Variants in PLEKHA2 observed in about 807,000 individuals in gnomAD.
PLEKHA2 encodes pleckstrin homology domain-containing family A member 2.
A neutral mutation model predicts 53.2 loss-of-function variants in PLEKHA2; 28 were observed. The observed-to-expected ratio is 0.53, with a 90% CI of 0.39 to 0.72. PLEKHA2 has a LOEUF of 0.72. Among genes scored for constraint, PLEKHA2 ranks in the 30% least tolerant of loss-of-function variants. The pLI is 0.00. For synonymous variants in PLEKHA2, 193 were observed against 196.4 expected, an observed-to-expected ratio of 0.98 and a Z score of 0.14; for missense variants, 426 against 537.9, an observed-to-expected ratio of 0.79 and a Z score of 2.06.
intron 2 of PLEKHA2, among the ~76,000 whole-genome samples, chr8:38,934,755 T>C (rs1456413641): frequency 6.6e-6 from 1 of 152,174 alleles, no homozygotes; most frequent in Non-Finnish European, 1.5e-5. Flanking sequence ...TCATGTTTTA[T>C]ACTGTACAGA....
intron 5 of PLEKHA2, 88 bp downstream of exon 5, chr8:38,946,309 G>A: frequency 8.6e-7 from 1 of 1,163,874 alleles, no homozygotes; most frequent in Non-Finnish European, 1.3e-6. Context: ...AAACTGAGAT[G>A]GCAGCGGGGA....
At chr8:38,906,799 A>C (rs536317091) in intron 1 of PLEKHA2, among the ~76,000 whole-genome samples, 1 of 152,186 alleles carries the variant, frequency 6.6e-6, no homozygotes, top group Non-Finnish European at 1.5e-5. Flanking sequence ...GGGTTTGTAC[A>C]TTGCGAAGGC....
intron 2 of PLEKHA2, among the ~76,000 whole-genome samples, chr8:38,933,360 G>A (rs1834428804): frequency 6.6e-6 from 1 of 152,206 alleles, no homozygotes; most frequent in Non-Finnish European, 1.5e-5. Context: ...AGACTTGCCT[G>A]TGGTTACAGA....
intron 8 of PLEKHA2, 65 bp downstream of exon 8, chr8:38,952,769 C>T: frequency 2.0e-6 from 3 of 1,502,514 alleles, no homozygotes; most frequent in South Asian, 2.3e-5. Context: ...AGGTGCACAC[C>T]CACAGGAGAG....
intron 2 of PLEKHA2, among the ~76,000 whole-genome samples, chr8:38,931,510 C>G (rs912704313): frequency 1.3e-5 from 2 of 152,168 alleles, no homozygotes; most frequent in African/African-American, 4.8e-5. Flanking sequence ...TGATTCCTGT[C>G]CCACAGAGGC....
chr8:38,967,587 G>T (rs1391355250), intron 10 of PLEKHA2, among the ~76,000 whole-genome samples: 1 of 151,920 alleles, frequency 6.6e-6, no homozygotes, highest in Non-Finnish European at 1.5e-5. Flanking sequence ...AATGATTAGG[G>T]ATAGTGAACA....
chr8:38,907,235 T>C (rs576677406), intron 1 of PLEKHA2, among the ~76,000 whole-genome samples: 268 of 152,326 alleles, frequency 1.8e-3, no homozygotes, highest in Non-Finnish European at 3.2e-3. Context: ...ATGAGTAATT[T>C]TTTTCTCATT....
intron 10 of PLEKHA2, among the ~76,000 whole-genome samples, chr8:38,961,737 A>G (rs1472564221): frequency 6.6e-6 from 1 of 152,186 alleles, no homozygotes; most frequent in Non-Finnish European, 1.5e-5. Context: ...GAGCTAGACC[A>G]AAGAGCAGGG....
rs1835277225 is a variant in PLEKHA2 at position 38,972,831 on chromosome 8, G to C, written c.*3048G>C. ...ATTTTCTTTGTGGAATAAAAGCCTTGCCTGAGTTGTGCTATTTTCATAAGG... is the reference window on the plus strand; with the variant it reads ...ATTTTCTTTGTGGAATAAAAGCCTTCCCTGAGTTGTGCTATTTTCATAAGG... On this transcript the variant is annotated 3_prime_UTR_variant, in exon 12 of 12. Coordinates refer to ENST00000617275, the MANE Select transcript of PLEKHA2 (RefSeq NM_021623.2). 6.6e-6 allele frequency: 1 copy of C among 151,844 alleles called. No individual in the cohort carries two copies. The highest frequency in any genetic ancestry group is 2.1e-4 in the South Asian group (1 of 4,820). 9.4% of individuals were successfully genotyped at this position (151,844 alleles called of 1,614,324 possible). A position where few individuals can be genotyped will look rare whatever the true frequency, so the allele number is the denominator to read the frequency against.
At chr8:38,958,840 C>G (rs898566685) in intron 10 of PLEKHA2, among the ~76,000 whole-genome samples, 1 of 152,012 alleles carries the variant, frequency 6.6e-6, no homozygotes, top group Non-Finnish European at 1.5e-5. Flanking sequence ...GAACAGATCC[C>G]GAACCCAAGA....
chr8:38,958,322 C>CA (rs11380924), intron 10 of PLEKHA2, among the ~76,000 whole-genome samples: 70,979 of 150,278 alleles, frequency 0.47, 17,426 homozygotes, highest in East Asian at 0.8. Context: ...GACTTTGTCT[C>CA]AAAAAAAAGG....
intron 10 of PLEKHA2, among the ~76,000 whole-genome samples, chr8:38,961,931 TA>T (rs1246910336): frequency 1.3e-5 from 2 of 152,192 alleles, no homozygotes; most frequent in Non-Finnish European, 2.9e-5. Flanking sequence ...TTTGGACACC[TA>T]GATGTCCCAG....
intron 10 of PLEKHA2, among the ~76,000 whole-genome samples, chr8:38,966,739 C>T (rs187206734): frequency 4.1e-4 from 63 of 152,270 alleles, no homozygotes; most frequent in African/African-American, 1.4e-3. Flanking sequence ...TGCTGCGAGT[C>T]CCACAACTCT....
chr8:38,955,333 G>A lies in PLEKHA2; in HGVS notation c.773+1966G>A, dbSNP rs115967355. ...GGCTATGCATGAGTAGAATTTGAAA[G>A]GCTAAGACATTTTAGCCAGAAAGAG... On this transcript the variant is annotated intron_variant, in intron 9 of 11. Coordinates refer to ENST00000617275, the MANE Select transcript of PLEKHA2 (RefSeq NM_021623.2). 8.2e-3 allele frequency among the ~76,000 whole-genome samples: 1,256 copies of A among 152,290 alleles called. 10 individuals carry two copies. The highest frequency in any genetic ancestry group is 0.029 in the African/African-American group (1,218 of 41,562).
intron 2 of PLEKHA2, among the ~76,000 whole-genome samples, chr8:38,932,218 A>C (rs1038836546): frequency 1.3e-5 from 2 of 151,716 alleles, no homozygotes; most frequent in South Asian, 4.2e-4. Flanking sequence ...CTGGTCTTGA[A>C]CCCCTGGCCT....
At chr8:38,937,199 A>C (rs1481461436) in intron 3 of PLEKHA2, among the ~76,000 whole-genome samples, 1 of 152,222 alleles carries the variant, frequency 6.6e-6, no homozygotes, top group Non-Finnish European at 1.5e-5. Flanking sequence ...GGGCGGATTA[A>C]AGAGGGAGAG....
intron 9 of PLEKHA2, among the ~76,000 whole-genome samples, chr8:38,955,327 T>A (rs1469372669): frequency 1.3e-5 from 2 of 152,204 alleles, no homozygotes; most frequent in Non-Finnish European, 2.9e-5. Flanking sequence ...TGAGTAGAAT[T>A]TGAAAGGCTA....
intron 2 of PLEKHA2, among the ~76,000 whole-genome samples, chr8:38,926,479 G>T (rs894237493): frequency 6.6e-6 from 1 of 151,562 alleles, no homozygotes; most frequent in Non-Finnish European, 1.5e-5. Flanking sequence ...ACTGGGCCTG[G>T]TCAAAACATG....
intron 10 of PLEKHA2, among the ~76,000 whole-genome samples, chr8:38,965,762 C>T (rs950748271): frequency 3.9e-5 from 6 of 152,000 alleles, no homozygotes; most frequent in Non-Finnish European, 5.9e-5. Flanking sequence ...TAAATGGTGG[C>T]GTTTAAGGCT....
Sources: gnomAD v4.1 joint callset for allele counts (sites outside exome capture counted in the v4.1 genomes callset) on GRCh38, gnomAD v4.1.1 for gene constraint, MANE v1.5 for transcripts, NCBI Gene and HGNC (gene_info 2026-07-23, HGNC 2026-07-21) for gene names.